ATG7: variants seen among roughly 807,000 people sequenced by gnomAD.
ATG7 encodes the protein autophagy related 7.
A neutral mutation model predicts 82.4 loss-of-function variants in ATG7; 70 were observed. The observed-to-expected ratio is 0.85, with a 90% CI of 0.70 to 1.04. The LOEUF (loss-of-function observed/expected upper bound fraction) is 1.04, where lower values mean the gene tolerates loss of function less well. ATG7 is among the 50% of genes least tolerant of loss of function. The pLI is 0.00. For missense variants in ATG7, 792 were observed against 864.3 expected, an observed-to-expected ratio of 0.92 and a Z score of 1.05; for synonymous variants, 287 against 313.0, an observed-to-expected ratio of 0.92 and a Z score of 0.88.
chr3:11,512,768 G>A (rs1379069185), intron 20 of ATG7, among the ~76,000 whole-genome samples: 3 of 152,190 alleles, frequency 2.0e-5, no homozygotes, highest in Non-Finnish European at 4.4e-5. Flanking sequence ...AGTGTGGAAG[G>A]GGACCTGAGC....
At chr3:11,285,958 A>G (rs991625771) in intron 3 of ATG7, among the ~76,000 whole-genome samples, 1 of 152,134 alleles carries the variant, frequency 6.6e-6, no homozygotes, top group African/African-American at 2.4e-5. Context: ...TCAGTCTGGG[A>G]CAGCTCCTTG....
intron 13 of ATG7, among the ~76,000 whole-genome samples, chr3:11,342,543 A>C (rs1346351070): frequency 6.6e-6 from 1 of 152,098 alleles, no homozygotes. Context: ...TTTTTCCCAG[A>C]TGTTATTGTA....
chr3:11,408,146 C>A (rs1158291057), intron 19 of ATG7, among the ~76,000 whole-genome samples: 1 of 152,230 alleles, frequency 6.6e-6, no homozygotes, highest in Non-Finnish European at 1.5e-5. Flanking sequence ...TTAGAAATTT[C>A]TTCTGCCAGA....
chr3:11,533,586 CTCTTCTCTGAAA>C (rs201145510), intron 20 of ATG7, among the ~76,000 whole-genome samples: 1 of 141,238 alleles, frequency 7.1e-6, no homozygotes, highest in Non-Finnish European at 1.5e-5. Context: ...AAAGCAGAAA[CTCTTCTCTGAAA>C]TCTTCTCTGA....
At chr3:11,529,124 A>G (rs2092644836) in intron 20 of ATG7, among the ~76,000 whole-genome samples, 1 of 152,076 alleles carries the variant, frequency 6.6e-6, no homozygotes, top group Non-Finnish European at 1.5e-5. Context: ...ACAGGAGGGC[A>G]TGGGAGGGGG....
At chr3:11,290,930 ACCTCAG>A (rs1378017177) in intron 3 of ATG7, among the ~76,000 whole-genome samples, 1 of 151,984 alleles carries the variant, frequency 6.6e-6, no homozygotes, top group Non-Finnish European at 1.5e-5. Flanking sequence ...TGATCCACCC[ACCTCAG>A]CCTCCAAAGT....
intron 20 of ATG7, among the ~76,000 whole-genome samples, chr3:11,441,360 A>G (rs67745353): frequency 0.17 from 25,156 of 150,602 alleles, 2,249 homozygotes; most frequent in South Asian, 0.32. Flanking sequence ...CTCTACCTCA[A>G]CCTCCCGAAT....
At chr3:11,483,745 G>A (rs1670360354) in intron 20 of ATG7, among the ~76,000 whole-genome samples, 2 of 152,182 alleles carry the variant, frequency 1.3e-5, no homozygotes, top group South Asian at 4.1e-4. Context: ...ACTCACAGAT[G>A]TTATCTGCTT....
chr3:11,294,017 C>CAA (rs148344958), intron 3 of ATG7, among the ~76,000 whole-genome samples: 55 of 98,416 alleles, frequency 5.6e-4, no homozygotes, highest in South Asian at 4.7e-3. Context: ...GACTCCGTCT[C>CAA]AAAAAAAAAA....
chr3:11,521,450 A>G (rs1487377437), intron 20 of ATG7, among the ~76,000 whole-genome samples: 1 of 152,174 alleles, frequency 6.6e-6, no homozygotes, highest in Non-Finnish European at 1.5e-5. Context: ...CGCATCGCAC[A>G]GCAGGGCACG....
intron 20 of ATG7, among the ~76,000 whole-genome samples, chr3:11,515,408 A>G (rs2092245952): frequency 1.3e-5 from 2 of 152,020 alleles, no homozygotes; most frequent in African/African-American, 4.8e-5. Context: ...GGTTCAAGCG[A>G]TTGTCCTGCC....
At chr3:11,343,440 C>A (rs1002408299) in intron 13 of ATG7, among the ~76,000 whole-genome samples, 1 of 151,960 alleles carries the variant, frequency 6.6e-6, no homozygotes, top group Non-Finnish European at 1.5e-5. Context: ...TATTCATGTT[C>A]TTTGGGTTGT....
intron 9 of ATG7, among the ~76,000 whole-genome samples, chr3:11,317,570 C>A (rs1023712659): frequency 6.7e-5 from 10 of 148,424 alleles, no homozygotes; most frequent in Non-Finnish European, 1.5e-4. Context: ...GAAGCCTATG[C>A]CCTTTCTTTC....
At chr3:11,393,641 G>A (rs185148257) in intron 19 of ATG7, among the ~76,000 whole-genome samples, 161 of 152,208 alleles carry the variant, frequency 1.1e-3, no homozygotes, top group South Asian at 3.7e-3. Flanking sequence ...TCACCATGGG[G>A]CAGAGAAGAG....
At chr3:11,562,696 A>ATGC in the ATG7 span, among the ~76,000 whole-genome samples, 1 of 152,206 alleles carries the variant, frequency 6.6e-6, no homozygotes, top group Non-Finnish European at 1.5e-5. Flanking sequence ...TACGACATGA[A>ATGC]TGACATGTGC....
chr3:11,489,027 T>A (rs1192753813), intron 20 of ATG7, among the ~76,000 whole-genome samples: 1 of 151,900 alleles, frequency 6.6e-6, no homozygotes, highest in African/African-American at 2.4e-5. Context: ...TGAATCCATC[T>A]GGTCCTGGAC....
intron 19 of ATG7, among the ~76,000 whole-genome samples, chr3:11,409,654 T>C (rs1381031737): frequency 6.6e-6 from 1 of 152,234 alleles, no homozygotes; most frequent in Non-Finnish European, 1.5e-5. Flanking sequence ...CCCAGAGTCA[T>C]CTAGATTTTC....
At chr3:11,276,073 A>G (rs1284310867) in intron 1 of ATG7, among the ~76,000 whole-genome samples, 1 of 152,198 alleles carries the variant, frequency 6.6e-6, no homozygotes, top group Non-Finnish European at 1.5e-5. Flanking sequence ...ATAGGCCCTC[A>G]GCGTGGCTCA....
At chr3:11,552,716 T>G (rs1335699036) in intron 20 of ATG7, among the ~76,000 whole-genome samples, 1 of 152,202 alleles carries the variant, frequency 6.6e-6, no homozygotes, top group African/African-American at 2.4e-5. Context: ...TCTGGGTGTC[T>G]CGCAGGATCC....
Sources: allele counts gnomAD v4.1 joint callset (sites outside exome capture counted in the v4.1 genomes callset), GRCh38; gene constraint gnomAD v4.1.1; transcripts MANE v1.5; gene names NCBI Gene and HGNC (gene_info 2026-07-23, HGNC 2026-07-21).